NTRK2: variants seen among roughly 807,000 people sequenced by gnomAD.
NTRK2 encodes the protein BDNF/NT-3 growth factors receptor.
In NTRK2, 13 loss-of-function variants were observed where a neutral mutation model predicts 94.5. The ratio of observed to expected loss-of-function variants is 0.14; its 90% CI spans 0.09 to 0.22. NTRK2 has a LOEUF of 0.22. Ranked by LOEUF, NTRK2 falls within the 10% of genes least tolerant of loss-of-function variation. The pLI is 1.00. For synonymous variants in NTRK2, 372 were observed against 407.4 expected (o/e 0.91, Z 1.05); for missense variants, 639 against 1,071.2 (o/e 0.60, Z 5.63).
At chr9:84,894,238 C>A (rs2076690779) in intron 14 of NTRK2, among the ~76,000 whole-genome samples, 1 of 128,748 alleles carries the variant, frequency 7.8e-6, no homozygotes, top group South Asian at 2.7e-4. Context: ...GCCCCATAGT[C>A]TTGAATGTAT....
At chr9:84,907,453 A>G (rs1171395188) in intron 14 of NTRK2, among the ~76,000 whole-genome samples, 1 of 152,230 alleles carries the variant, frequency 6.6e-6, no homozygotes, top group Non-Finnish European at 1.5e-5. Flanking sequence ...ACCAGCAGCA[A>G]CAATAAGCAA....
chr9:84,949,904 A>G (rs1013688335), intron 16 of NTRK2, among the ~76,000 whole-genome samples: 3 of 152,224 alleles, frequency 2.0e-5, no homozygotes, highest in African/African-American at 7.2e-5. Context: ...AGAAAGGTCA[A>G]GTTGCTTTGA....
chr9:84,814,571 A>T, intron 12 of NTRK2: 1 of 1,065,930 alleles, frequency 9.4e-7, no homozygotes, highest in South Asian at 4.5e-5. Context: ...AAATGGAATC[A>T]AGATACTACA....
chr9:84,737,801 T>C (rs868257148), intron 9 of NTRK2, among the ~76,000 whole-genome samples: 1 of 151,650 alleles, frequency 6.6e-6, no homozygotes, highest in Non-Finnish European at 1.5e-5. Flanking sequence ...CATCCGTCTC[T>C]CTCCATCTTC....
At chr9:84,750,518 C>T (rs1266623192) in intron 11 of NTRK2, among the ~76,000 whole-genome samples, 1 of 152,260 alleles carries the variant, frequency 6.6e-6, no homozygotes, top group African/African-American at 2.4e-5. Context: ...CAGAATGGCT[C>T]TCTAAGAAAT....
chr9:84,942,515 C>T (rs2078446363), intron 15 of NTRK2, among the ~76,000 whole-genome samples: 1 of 152,052 alleles, frequency 6.6e-6, no homozygotes, highest in African/African-American at 2.4e-5. Flanking sequence ...TCACTAATAG[C>T]CTATGGAGGT....
intron 12 of NTRK2, among the ~76,000 whole-genome samples, chr9:84,831,860 G>T (rs2073568596): frequency 6.6e-6 from 1 of 152,228 alleles, no homozygotes; most frequent in Admixed American, 6.5e-5. Context: ...TTAGTGACTG[G>T]AAGAGTAGGT....
chr9:84,892,960 T>A (rs2076639830), intron 14 of NTRK2, among the ~76,000 whole-genome samples: 1 of 152,142 alleles, frequency 6.6e-6, no homozygotes, highest in Non-Finnish European at 1.5e-5. Context: ...TCTTTTCTTT[T>A]TCTTTCCTTC....
chr9:84,698,022 C>G (rs144416573), intron 2 of NTRK2, among the ~76,000 whole-genome samples: 1 of 152,004 alleles, frequency 6.6e-6, no homozygotes, highest in East Asian at 1.9e-4. Context: ...GACATAATAA[C>G]TTTATATAAT....
chr9:84,935,015 G>A (rs1267202243), intron 15 of NTRK2, among the ~76,000 whole-genome samples: 1 of 152,046 alleles, frequency 6.6e-6, no homozygotes. Flanking sequence ...AACAAAAATA[G>A]CACAAAAGGC....
At chr9:84,939,045 C>T (rs1392783659) in intron 15 of NTRK2, among the ~76,000 whole-genome samples, 4 of 85,920 alleles carry the variant, frequency 4.7e-5, no homozygotes, top group Non-Finnish European at 8.2e-5. Context: ...GAGTGAGACC[C>T]CAACTCAAAA....
Position 84,681,130 on chromosome 9 carries a change from A to G in NTRK2, c.212+10170A>G, listed in dbSNP as rs116681749. ...TACTTATGTTACCTTCTTTGTGCTA[A>G]TGATGTCCTAATCTGTTTCCCCATC... is the stretch of plus-strand genomic sequence containing the variant. On this transcript the variant is annotated intron_variant, in intron 2 of 18. Coordinates refer to ENST00000277120, the MANE Select transcript of NTRK2 (RefSeq NM_006180.6). Among the ~76,000 whole-genome samples, 823 of 152,300 alleles carry G rather than the reference A, an allele frequency of 5.4e-3. 9 individuals carry two copies. Among genetic ancestry groups the G allele is most frequent in the African/African-American group, 0.019 (786 of 41,552 alleles).
At chr9:84,844,203 G>A (rs555195249) in intron 12 of NTRK2, among the ~76,000 whole-genome samples, 139 of 152,326 alleles carry the variant, frequency 9.1e-4, no homozygotes, top group African/African-American at 3.2e-3. Flanking sequence ...GACCAGAGGA[G>A]GGAAAGAGGG....
chr9:84,697,700 C>T (rs1419224594), intron 2 of NTRK2, among the ~76,000 whole-genome samples: 1 of 152,192 alleles, frequency 6.6e-6, no homozygotes, highest in Non-Finnish European at 1.5e-5. Flanking sequence ...AGGTGGAAGT[C>T]ACCAGGAGGG....
chr9:84,722,436 G>GT (rs2062139383), intron 6 of NTRK2, among the ~76,000 whole-genome samples: 1 of 152,034 alleles, frequency 6.6e-6, no homozygotes. Context: ...GAAGACGAAG[G>GT]GTCAGATATT....
At chr9:85,007,274 G>C (rs1464512105) in intron 17 of NTRK2, among the ~76,000 whole-genome samples, 1 of 152,226 alleles carries the variant, frequency 6.6e-6, no homozygotes. Context: ...AGAGCAGCAC[G>C]TTTGAGGGAC....
At chr9:84,923,851 G>A (rs901065719) in intron 14 of NTRK2, among the ~76,000 whole-genome samples, 2 of 151,812 alleles carry the variant, frequency 1.3e-5, no homozygotes, top group Non-Finnish European at 2.9e-5. Flanking sequence ...AGTGAACTGA[G>A]ATCGCGCCAC....
At chr9:84,743,293 A>G (rs2063800813) in intron 10 of NTRK2, among the ~76,000 whole-genome samples, 1 of 152,194 alleles carries the variant, frequency 6.6e-6, no homozygotes, top group Non-Finnish European at 1.5e-5. Context: ...TTAAAACATT[A>G]CATTTATATA....
chr9:84,707,245 A>G (rs192661647), intron 4 of NTRK2, among the ~76,000 whole-genome samples: 36 of 152,338 alleles, frequency 2.4e-4, no homozygotes, highest in African/African-American at 7.7e-4. Flanking sequence ...AGAATGGTTC[A>G]AGATGAAATC....
Sources: gnomAD v4.1 joint callset for allele counts (sites outside exome capture counted in the v4.1 genomes callset) on GRCh38, gnomAD v4.1.1 for gene constraint, MANE v1.5 for transcripts, NCBI Gene and HGNC (gene_info 2026-07-23, HGNC 2026-07-21) for gene names.